Variants in RBFOX1 observed in about 807,000 individuals in gnomAD.
RBFOX1 encodes the protein RNA binding fox-1 homolog 1.
Under a neutral mutation model 57.7 loss-of-function variants are expected in RBFOX1, and 8 were observed. The ratio of observed to expected loss-of-function variants is 0.14; its 90% CI spans 0.08 to 0.25. The LOEUF is 0.25. RBFOX1 is among the 10% of genes least tolerant of loss of function. RBFOX1 has a pLI of 1.00. For synonymous variants in RBFOX1, 326 were observed against 222.4 expected (o/e 1.47, Z -4.15); for missense variants, 611 against 548.5 (o/e 1.11, Z -1.14).
At chr16:5,458,393 T>G (rs2068693605) in intron 1 of RBFOX1, among the ~76,000 whole-genome samples, 1 of 152,134 alleles carries the variant, frequency 6.6e-6, no homozygotes, top group South Asian at 2.1e-4. Flanking sequence ...GAGGGCACCA[T>G]AGCACAGCGA....
At chr16:6,894,920 T>A (rs2066391479) in intron 3 of RBFOX1, among the ~76,000 whole-genome samples, 1 of 152,184 alleles carries the variant, frequency 6.6e-6, no homozygotes, top group East Asian at 1.9e-4. Flanking sequence ...AAATTAAATG[T>A]CTCACTGTCT....
At chr16:7,400,366 C>T (rs987510550) in intron 4 of RBFOX1, among the ~76,000 whole-genome samples, 29 of 152,302 alleles carry the variant, frequency 1.9e-4, no homozygotes, top group African/African-American at 6.7e-4. Context: ...TTTAAGGAAA[C>T]TGCAACCTCA....
intron 1 of RBFOX1, among the ~76,000 whole-genome samples, chr16:6,192,658 G>A (rs1567648920): frequency 6.6e-6 from 1 of 152,142 alleles, no homozygotes; most frequent in African/African-American, 2.4e-5. Flanking sequence ...AGTCTACCAT[G>A]TAACTCTCAA....
At chr16:5,586,718 T>C (rs1437411544) in intron 2 of RBFOX1, among the ~76,000 whole-genome samples, 1 of 152,168 alleles carries the variant, frequency 6.6e-6, no homozygotes, top group Non-Finnish European at 1.5e-5. Flanking sequence ...AGGCTGGTCT[T>C]GAACTCGTGG....
chr16:7,155,736 TATACAC>T (rs1442713464), intron 4 of RBFOX1, among the ~76,000 whole-genome samples: 188 of 83,366 alleles, frequency 2.3e-3, no homozygotes, highest in African/African-American at 6.4e-3. Context: ...TATATATATA[TATACAC>T]ACACACACAC....
chr16:7,599,076 C>G (rs1001433822), intron 9 of RBFOX1, among the ~76,000 whole-genome samples: 8 of 152,218 alleles, frequency 5.3e-5, no homozygotes, highest in Non-Finnish European at 1.0e-4. Flanking sequence ...TTTTTCTCAG[C>G]TTTGTCAACC....
At chr16:5,751,990 A>G (rs770705894) in intron 3 of RBFOX1, among the ~76,000 whole-genome samples, 1 of 152,238 alleles carries the variant, frequency 6.6e-6, no homozygotes, top group Non-Finnish European at 1.5e-5. Context: ...TTCATTGTAC[A>G]CTATTCACAA....
chr16:5,442,218 G>A (rs1001587257), intron 1 of RBFOX1, among the ~76,000 whole-genome samples: 18 of 152,232 alleles, frequency 1.2e-4, no homozygotes, highest in African/African-American at 3.9e-4. Context: ...ACACATTTGA[G>A]GGGGAGGATG....
chr16:5,949,327 C>G (rs998842087), intron 4 of RBFOX1, among the ~76,000 whole-genome samples: 2 of 151,744 alleles, frequency 1.3e-5, no homozygotes, highest in East Asian at 3.9e-4. Context: ...GAGATCGAGA[C>G]CATCCTGTCT....
At chr16:5,867,798 G>T (rs772215226) in intron 4 of RBFOX1, among the ~76,000 whole-genome samples, 1 of 151,922 alleles carries the variant, frequency 6.6e-6, no homozygotes, top group Admixed American at 6.6e-5. Flanking sequence ...TGCAACCTCC[G>T]CCTCCCGGGT....
chr16:6,160,718 C>G (rs1044110242), intron 1 of RBFOX1, among the ~76,000 whole-genome samples: 2 of 152,180 alleles, frequency 1.3e-5, no homozygotes, highest in African/African-American at 4.8e-5. Context: ...CCTGGCACCA[C>G]TCCCATCTTG....
intron 5 of RBFOX1, among the ~76,000 whole-genome samples, chr16:7,520,995 G>A (rs758967098): frequency 2.0e-5 from 3 of 152,148 alleles, no homozygotes; most frequent in Non-Finnish European, 4.4e-5. Context: ...AGTATGAGAG[G>A]CAGAAACTGA....
intron 2 of RBFOX1, among the ~76,000 whole-genome samples, chr16:6,624,158 G>C (rs192429791): frequency 6.6e-6 from 1 of 152,248 alleles, no homozygotes; most frequent in Admixed American, 6.5e-5. Context: ...AAGGAACACA[G>C]ACTTGGATAT....
At chr16:6,747,474 G>GTTTA (rs746054522) in intron 3 of RBFOX1, among the ~76,000 whole-genome samples, 2 of 141,094 alleles carry the variant, frequency 1.4e-5, no homozygotes, top group African/African-American at 2.8e-5. Flanking sequence ...CTGTCTGTCT[G>GTTTA]TTTATCTATC....
intron 4 of RBFOX1, among the ~76,000 whole-genome samples, chr16:7,386,742 C>T (rs1049088565): frequency 6.6e-6 from 1 of 151,966 alleles, no homozygotes; most frequent in African/African-American, 2.4e-5. Flanking sequence ...GGTATATATC[C>T]AGTAATGGGA....
chr16:6,240,099 C>A (rs2097532431), intron 1 of RBFOX1, among the ~76,000 whole-genome samples: 1 of 152,124 alleles, frequency 6.6e-6, no homozygotes, highest in Non-Finnish European at 1.5e-5. Context: ...CTTTTTCCAT[C>A]ATTGCCATGT....
intron 3 of RBFOX1, among the ~76,000 whole-genome samples, chr16:6,966,119 A>G (rs538693929): frequency 1.3e-5 from 2 of 152,266 alleles, no homozygotes; most frequent in South Asian, 2.1e-4. Context: ...CTGGGGGCCT[A>G]AAAAGCACAT....
chr16:5,628,265 T>C (rs1440141467), intron 3 of RBFOX1, among the ~76,000 whole-genome samples: 1 of 152,230 alleles, frequency 6.6e-6, no homozygotes, highest in Non-Finnish European at 1.5e-5. Flanking sequence ...TTGAAGTCTC[T>C]TCTACCATGC....
chr16:7,001,804 T>C (rs979524238), intron 3 of RBFOX1, among the ~76,000 whole-genome samples: 1 of 152,136 alleles, frequency 6.6e-6, no homozygotes, highest in African/African-American at 2.4e-5. Flanking sequence ...GCAGCTCAAT[T>C]TGGGAGATTT....
Sources: gnomAD v4.1 joint callset for allele counts (sites outside exome capture counted in the v4.1 genomes callset) on GRCh38, gnomAD v4.1.1 for gene constraint, MANE v1.5 for transcripts, NCBI Gene and HGNC (gene_info 2026-07-23, HGNC 2026-07-21) for gene names.